The following TRIM62 variants were observed in gnomAD, a reference collection of about 807,000 sequenced individuals.
TRIM62 encodes the protein E3 ubiquitin-protein ligase TRIM62.
Under a neutral mutation model 44.2 loss-of-function variants are expected in TRIM62, and 39 were observed. That is an observed-to-expected ratio of 0.88 (90% CI 0.68 to 1.15). TRIM62 has a LOEUF of 1.15. Ranked by LOEUF, TRIM62 falls within the 50% of genes most tolerant of loss-of-function variation. The pLI, the probability that TRIM62 is intolerant of heterozygous loss-of-function variation, is 0.00. For synonymous variants in TRIM62, 278 were observed against 292.3 expected (o/e 0.95, Z 0.50); for missense variants, 544 against 665.5 (o/e 0.82, Z 2.01).
At chr1:33,180,953 T>TGGGGGGGGGGGGGGGGG in intron 1 of TRIM62, 72 bp downstream of exon 1, 1 of 724,330 alleles carries the variant, frequency 1.4e-6, no homozygotes, top group Non-Finnish European at 2.0e-6. Flanking sequence ...GGTCCAGCCC[T>TGGGGGGGGGGGGGGGGG]GACCCCACCC....
Position 33,167,630 on chromosome 1 carries a change from C to T in TRIM62, c.409-2064G>A, listed in dbSNP as rs934414080. On this transcript the variant is annotated intron_variant, in intron 1 of 4. Transcript: ENST00000291416. The surrounding 1 kb of genome is among the most constrained non-coding windows in gnomAD (Gnocchi z 4.2). The stretch of plus-strand genomic sequence containing the variant: ...GACGCTTGCTGCGTGAATGAAGTTC[C>T]TGGAAATGGCCTCTGAGTTCCCCAA... 5.3e-5 allele frequency among the ~76,000 whole-genome samples: 8 copies of T among 152,318 alleles called. No individual in the cohort carries two copies. The highest frequency in any genetic ancestry group is 3.4e-3 in the Middle Eastern group (1 of 294).
chr1:33,153,279 CAA>C (rs1645128511), intron 4 of TRIM62, among the ~76,000 whole-genome samples: 1 of 152,218 alleles, frequency 6.6e-6, no homozygotes, highest in South Asian at 2.1e-4. Flanking sequence ...GGGGCCCAGC[CAA>C]CCAGGCTGCT....
rs572523307 is a variant in TRIM62 at position 33,146,098 on chromosome 1, C to T, written c.*1079G>A. On this transcript the variant is annotated 3_prime_UTR_variant, in exon 5 of 5. Coordinates refer to ENST00000291416, the MANE Select transcript of TRIM62 (RefSeq NM_018207.3). ...ATGGGGGCAGCTTTCCTGGTCACAA[C>T]AGACATGATGAATCTGGCGCTGGGA... is the stretch of plus-strand genomic sequence containing the variant. 4.1e-5 allele frequency: 13 copies of T among 313,908 alleles called. No individual in the cohort carries two copies. Among genetic ancestry groups the T allele is most frequent in the African/African-American group, 2.2e-4 (10 of 45,698 alleles). 19.4% of individuals were successfully genotyped at this position (313,908 alleles called of 1,614,324 possible).
Position 33,147,434 on chromosome 1 carries a change from T to C in TRIM62, c.1171A>G (p.Met391Val). ...QPSRGFYCIV[M>V]HDGNQYSACT... is the part of the protein sequence containing the mutation. ...GCGCTGTACTGGTTGCCATCGTGCA[T>C]CACGATGCAGTAGAAGCCGCGGCTG... The change falls in exon 5 of 5, where the codon ATG becomes GTG. Residue 391 changes from methionine (M) to valine (V), a missense_variant. Met to Val is a conservative substitution (Grantham distance 21, BLOSUM62 1). Coordinates refer to ENST00000291416, the MANE Select transcript of TRIM62 (RefSeq NM_018207.3). This position sits in a 1 kb window ranked among gnomAD's most constrained non-coding sequence, Gnocchi z 8.1. 6.2e-7 allele frequency: 1 copy of C among 1,614,082 alleles called. No homozygotes were observed. Among genetic ancestry groups the C allele is most frequent in the South Asian group, 1.1e-5 (1 of 91,084 alleles).
chr1:33,157,038 C>T (rs57879134), intron 4 of TRIM62, among the ~76,000 whole-genome samples: 2,653 of 151,326 alleles, frequency 0.018, 77 homozygotes, highest in African/African-American at 0.056. Flanking sequence ...TCACCCCCTT[C>T]GGTCTATTCT....
At chr1:33,157,379 C>T (rs1294324862) in intron 4 of TRIM62, among the ~76,000 whole-genome samples, 2 of 152,166 alleles carry the variant, frequency 1.3e-5, no homozygotes, top group African/African-American at 2.4e-5. Flanking sequence ...CAGATACCTA[C>T]GTGGCTCACT....
At chr1:33,154,196 C>A (rs545157932) in intron 4 of TRIM62, among the ~76,000 whole-genome samples, 5 of 152,220 alleles carry the variant, frequency 3.3e-5, no homozygotes, top group Non-Finnish European at 7.3e-5. Flanking sequence ...TGTGGTGGCT[C>A]ACGCCTGTAA....
Position 33,165,148 on chromosome 1 carries a change from C to T in TRIM62, c.504+323G>A, listed in dbSNP as rs116104374. 0.024 allele frequency: 5,635 copies of T among 231,802 alleles called. 110 individuals carry two copies. The highest frequency in any genetic ancestry group is 0.037 in the Middle Eastern group (25 of 672). 14.4% of individuals were successfully genotyped at this position (231,802 alleles called of 1,614,324 possible). A position where few individuals can be genotyped will look rare whatever the true frequency, so the allele number is the denominator to read the frequency against. On this transcript the variant is annotated intron_variant, in intron 2 of 4. Coordinates refer to ENST00000291416, the MANE Select transcript of TRIM62 (RefSeq NM_018207.3). This position sits in a 1 kb window ranked among gnomAD's most constrained non-coding sequence, Gnocchi z 4.0. ...AGACTGAGCACATTCCCCAGCCCTT[C>T]AGGAGGCAGGGGGTTTCCGGAGGGT...
Position 33,159,728 on chromosome 1 carries a change from G to T in TRIM62, c.721C>A (p.Arg241=). The T allele has an allele frequency of 6.2e-7, 1 of 1,611,946 alleles. No homozygotes were observed. The highest frequency in any genetic ancestry group is 8.5e-7 in the Non-Finnish European group (1 of 1,179,528). ...ILQERLAETD[R]HTFLAGVASL... ...GCCACCCCAGCCAGGAAGGTGTGCC[G>T]GTCGGTTTCAGCCAGCCGCTCCTGC... The change falls in exon 3 of 5, where the codon CGG becomes AGG. Residue 241 remains arginine, a synonymous_variant. Transcript: ENST00000291416. This position sits in a 1 kb window ranked among gnomAD's most constrained non-coding sequence, Gnocchi z 4.2.
At chr1:33,180,855 G>A (rs945121436) in intron 1 of TRIM62, among the ~76,000 whole-genome samples, 170 bp downstream of exon 1, 1 of 15,056 alleles carries the variant, frequency 6.6e-5, no homozygotes, top group African/African-American at 3.0e-4. Context: ...CGGCGGCCCC[G>A]CCCCTCCCTG....
chr1:33,150,013 A>G lies in TRIM62; in HGVS notation c.878-2286T>C, dbSNP rs148264227. On this transcript the variant is annotated intron_variant, in intron 4 of 4. Coordinates refer to ENST00000291416, the MANE Select transcript of TRIM62 (RefSeq NM_018207.3). Reference sequence around the variant, plus strand: ...CATCACCTGGCTCTGGGCTGGCCACACCGGCTTAGCAGGTCTGACTAAAAA... The same window carrying G: ...CATCACCTGGCTCTGGGCTGGCCACGCCGGCTTAGCAGGTCTGACTAAAAA... 2.7e-4 allele frequency among the ~76,000 whole-genome samples: 41 copies of G among 152,288 alleles called. 1 individual carries two copies. The highest frequency in any genetic ancestry group is 9.9e-4 in the African/African-American group (41 of 41,566).
At chr1:33,148,333 C>T (rs1645048511) in intron 4 of TRIM62, among the ~76,000 whole-genome samples, 1 of 152,162 alleles carries the variant, frequency 6.6e-6, no homozygotes, top group Non-Finnish European at 1.5e-5. Flanking sequence ...CATGTATAAA[C>T]ATGAAATTTT....
At position 33,161,220 on chromosome 1, in the gene TRIM62, T is replaced by C. The variant is rs1056918777; in HGVS notation, c.505-1276A>G. ...TCTAATAAGCGTTTCCCGGAAGTCT[T>C]CATTGAGAGACGGGTTCTGAGCCGG... On this transcript the variant is annotated intron_variant, in intron 2 of 4. Coordinates refer to ENST00000291416, the MANE Select transcript of TRIM62 (RefSeq NM_018207.3). The surrounding 1 kb of genome is among the most constrained non-coding windows in gnomAD (Gnocchi z 4.3). Among the ~76,000 whole-genome samples, 3 of 152,186 alleles carry C rather than the reference T, an allele frequency of 2.0e-5. No homozygotes were observed. Among genetic ancestry groups the C allele is most frequent in the African/African-American group, 7.2e-5 (3 of 41,444 alleles).
Position 33,158,375 on chromosome 1 carries a change from G to C in TRIM62, c.762-7C>G. On this transcript the variant is annotated splice_polypyrimidine_tract_variant and splice_region_variant and intron_variant, in intron 3 of 4. Transcript: ENST00000291416. The stretch of plus-strand genomic sequence containing the variant: ...ATGGATTTTTCCCTTGAGCCTGGAA[G>C]GAGAGCAGGAAAGGGGGCTGCACCA... 1.2e-6 allele frequency: 2 copies of C among 1,612,436 alleles called. No individual in the cohort carries two copies.
rs777316692 is a variant in TRIM62 at position 33,159,923 on chromosome 1, T to C, written c.526A>G (p.Thr176Ala). ...CGCTCGAAGGCCTCGCCGATAGTGG[T>C]CCGCAGGCTCTTGGTGGAAGACTGT... ...ETKSSTKSLR[T>A]TIGEAFERLH... The change falls in exon 3 of 5, where the codon ACC becomes GCC. Residue 176 changes from threonine to alanine, a missense_variant. Thr to Ala is a moderately conservative substitution (Grantham distance 58). Transcript: ENST00000291416. The surrounding 1 kb of genome is among the most constrained non-coding windows in gnomAD (Gnocchi z 4.2). The C allele has an allele frequency of 5.0e-6, 8 of 1,605,842 alleles. No individual in the cohort carries two copies. The highest frequency in any genetic ancestry group is 1.3e-5 in the African/African-American group (1 of 74,996).
At chr1:33,169,155 G>A (rs1645353335) in intron 1 of TRIM62, among the ~76,000 whole-genome samples, 1 of 152,144 alleles carries the variant, frequency 6.6e-6, no homozygotes, top group African/African-American at 2.4e-5. Context: ...TGCATGTGTT[G>A]GGGTGACAGT....
At chr1:33,174,406 A>T (rs1645397501) in intron 1 of TRIM62, among the ~76,000 whole-genome samples, 1 of 152,062 alleles carries the variant, frequency 6.6e-6, no homozygotes. Flanking sequence ...CTGGTCTCGA[A>T]CTTCTGGGCT....
At chr1:33,154,811 T>C (rs1359151745) in intron 4 of TRIM62, among the ~76,000 whole-genome samples, 2 of 103,384 alleles carry the variant, frequency 1.9e-5, no homozygotes, top group African/African-American at 7.7e-5. Flanking sequence ...AAAAAAAAAG[T>C]GGCCAGGCGC....
intron 4 of TRIM62, among the ~76,000 whole-genome samples, chr1:33,148,870 CA>C (rs1428384737): frequency 2.6e-5 from 4 of 152,206 alleles, no homozygotes; most frequent in Non-Finnish European, 5.9e-5. Context: ...AGAGGGGAGA[CA>C]TGACAAACTT....
Sources: gnomAD v4.1 joint callset for allele counts (sites outside exome capture counted in the v4.1 genomes callset) on GRCh38, gnomAD v4.1.1 for gene constraint, Gnocchi (gnomAD v3.1) non-coding constraint, MANE v1.5 for transcripts, NCBI Gene and HGNC (gene_info 2026-07-23, HGNC 2026-07-21) for gene names.